Variants in TCF12 observed in about 807,000 individuals in gnomAD.
TCF12 encodes the protein DNA-binding protein HTF4.
In TCF12, 45 loss-of-function variants were observed where a neutral mutation model predicts 86.0. The observed-to-expected ratio is 0.52, with a 90% confidence interval of 0.41 to 0.67. TCF12 has a LOEUF of 0.67. Ranked by LOEUF, TCF12 falls within the 30% of genes least tolerant of loss-of-function variation. The pLI is 0.00. For synonymous variants in TCF12, 330 were observed against 299.6 expected, an observed-to-expected ratio of 1.10 and a Z score of -1.05; for missense variants, 881 against 859.9, an observed-to-expected ratio of 1.02 and a Z score of -0.31.
At chr15:57,069,223 G>T (rs1278368744) in intron 4 of TCF12, among the ~76,000 whole-genome samples, 2 of 152,104 alleles carry the variant, frequency 1.3e-5, no homozygotes, top group Non-Finnish European at 2.9e-5. Context: ...TTAAAAGATA[G>T]AATTGAGTTC....
intron 5 of TCF12, among the ~76,000 whole-genome samples, chr15:57,111,904 A>G (rs554593652): frequency 6.6e-6 from 1 of 152,240 alleles, no homozygotes; most frequent in East Asian, 1.9e-4. Flanking sequence ...GCTTGTTTAT[A>G]AACAGTTTGT....
rs184724860 is a variant in TCF12, at chr15:56,961,991, G to C, written c.148+40893G>C. On this transcript the variant is annotated intron_variant, in intron 3 of 20. Coordinates refer to ENST00000333725, the MANE Select transcript of TCF12 (RefSeq NM_207037.2). ...TAAAAATTAAAAAAAAATTAGCCGG[G>C]CGTGGTGGCGGGCGCCTGTAGTCCC... Among the ~76,000 whole-genome samples the C allele has an allele frequency of 2.2e-3, 340 of 151,988 alleles. 6 individuals are homozygous for C. In the East Asian group the frequency reaches 0.026, roughly 12 times the overall value.
At chr15:57,027,283 T>A (rs1205474018) in intron 3 of TCF12, among the ~76,000 whole-genome samples, 2 of 152,216 alleles carry the variant, frequency 1.3e-5, no homozygotes, top group East Asian at 3.8e-4. Context: ...GTAAATTACC[T>A]TTGGCCTGTT....
intron 3 of TCF12, among the ~76,000 whole-genome samples, chr15:56,926,142 T>A (rs146703564): frequency 8.1e-4 from 123 of 152,152 alleles, no homozygotes; most frequent in African/African-American, 2.9e-3. Context: ...CAAAACCCTG[T>A]CTCTACCAAA....
At chr15:57,040,378 C>T (rs10518890) in intron 3 of TCF12, among the ~76,000 whole-genome samples, 11,732 of 152,190 alleles carry the variant, frequency 0.077, 638 homozygotes, top group Non-Finnish European at 0.11. Flanking sequence ...TTCCATTTGT[C>T]TTCACCAGTG....
At chr15:56,962,446 C>G (rs1374935720) in intron 3 of TCF12, among the ~76,000 whole-genome samples, 1 of 152,138 alleles carries the variant, frequency 6.6e-6, no homozygotes, top group Admixed American at 6.5e-5. Flanking sequence ...ATCTTCAATT[C>G]ATGTTGGACA....
At chr15:57,102,700 T>C (rs150439176) in intron 5 of TCF12, among the ~76,000 whole-genome samples, 7 of 152,264 alleles carry the variant, frequency 4.6e-5, no homozygotes, top group Non-Finnish European at 1.0e-4. Flanking sequence ...TTGGTGGTTG[T>C]AGTGGTGAAT....
At chr15:57,184,771 A>G (rs2056568688) in intron 6 of TCF12, among the ~76,000 whole-genome samples, 1 of 152,202 alleles carries the variant, frequency 6.6e-6, no homozygotes, top group South Asian at 2.1e-4. Context: ...GAAATTCAAA[A>G]CAGATGTGAC....
chr15:57,161,513 C>G (rs1378346763), intron 5 of TCF12, among the ~76,000 whole-genome samples: 1 of 152,144 alleles, frequency 6.6e-6, no homozygotes, highest in Non-Finnish European at 1.5e-5. Flanking sequence ...CCTTTGCACA[C>G]AAGTTATGTG....
chr15:57,108,915 T>G (rs2050310422), intron 5 of TCF12, among the ~76,000 whole-genome samples: 1 of 152,218 alleles, frequency 6.6e-6, no homozygotes, highest in Non-Finnish European at 1.5e-5. Context: ...ATTGTGACTC[T>G]TTTAAAATTA....
intron 6 of TCF12, among the ~76,000 whole-genome samples, chr15:57,185,570 A>G (rs1185143055): frequency 6.6e-6 from 1 of 152,224 alleles, no homozygotes; most frequent in East Asian, 1.9e-4. Context: ...GAAGGACAAT[A>G]TGGAATCAAC....
chr15:56,995,083 T>C (rs918649306), intron 3 of TCF12, among the ~76,000 whole-genome samples: 1 of 151,970 alleles, frequency 6.6e-6, no homozygotes, highest in Non-Finnish European at 1.5e-5. Flanking sequence ...AAGTTAAATA[T>C]GTATGTTATA....
chr15:57,207,657 A>G (rs2151799923), intron 8 of TCF12, among the ~76,000 whole-genome samples: 1 of 152,286 alleles, frequency 6.6e-6, no homozygotes, highest in Non-Finnish European at 1.5e-5. Flanking sequence ...AGCCTGGGCA[A>G]CAAAAGTAAA....
At chr15:57,282,393 C>G (rs1396487220) in intron 19 of TCF12, 52 bp from the exon 20 acceptor site, 12 of 1,608,772 alleles carry the variant, frequency 7.5e-6, no homozygotes, top group Non-Finnish European at 1.0e-5. Context: ...AGCTTGAGAC[C>G]TAATTCATAA....
At chr15:57,242,445 T>A (rs2059674569) in intron 12 of TCF12, among the ~76,000 whole-genome samples, 1 of 152,128 alleles carries the variant, frequency 6.6e-6, no homozygotes, top group Non-Finnish European at 1.5e-5. Context: ...TCCCAGCACT[T>A]TGGGAGGCCA....
intron 3 of TCF12, among the ~76,000 whole-genome samples, chr15:56,968,454 C>G (rs969946608): frequency 1.3e-5 from 2 of 151,454 alleles, no homozygotes; most frequent in African/African-American, 2.4e-5. Flanking sequence ...CTACTGCAGC[C>G]TTGAACTCCT....
chr15:56,928,421 A>G (rs1437909238), intron 3 of TCF12, among the ~76,000 whole-genome samples: 3 of 152,182 alleles, frequency 2.0e-5, no homozygotes, highest in Non-Finnish European at 4.4e-5. Flanking sequence ...GCATTGTGAT[A>G]AGCAATTTAT....
At chr15:57,115,652 G>C (rs1406402801) in intron 5 of TCF12, among the ~76,000 whole-genome samples, 1 of 152,044 alleles carries the variant, frequency 6.6e-6, no homozygotes, top group African/African-American at 2.4e-5. Context: ...ATTGATTTGG[G>C]TTAATAAGTA....
chr15:57,188,984 G>T (rs150144800), intron 6 of TCF12, among the ~76,000 whole-genome samples: 6 of 152,066 alleles, frequency 3.9e-5, no homozygotes, highest in Non-Finnish European at 7.4e-5. Context: ...AGATGGGACC[G>T]CCCTATGTGG....
Sources: gnomAD v4.1 joint callset for allele counts (sites outside exome capture counted in the v4.1 genomes callset) on GRCh38, gnomAD v4.1.1 for gene constraint, MANE v1.5 for transcripts, NCBI Gene and HGNC (gene_info 2026-07-23, HGNC 2026-07-21) for gene names.